Variants in CA10 observed in about 807,000 individuals in gnomAD.
CA10 encodes carbonic anhydrase-related protein 10.
Under a neutral mutation model 44.2 loss-of-function variants are expected in CA10, and 14 were observed. The observed-to-expected ratio is 0.32, with a 90% CI of 0.21 to 0.50. The LOEUF (loss-of-function observed/expected upper bound fraction) is 0.50, where lower values mean the gene tolerates loss of function less well. Among genes scored for constraint, CA10 ranks in the 20% least tolerant of loss-of-function variants. The pLI is 0.99. For synonymous variants in CA10, 159 were observed against 141.6 expected (o/e 1.12, Z -0.87); for missense variants, 350 against 409.7 (o/e 0.85, Z 1.26).
chr17:51,818,844 C>T (rs904621279), intron 3 of CA10, among the ~76,000 whole-genome samples: 4 of 152,150 alleles, frequency 2.6e-5, no homozygotes, highest in African/African-American at 9.7e-5. Context: ...TAGCCCTTAC[C>T]TCACGGGTGT....
At chr17:51,977,793 G>A (rs1360594163) in intron 2 of CA10, among the ~76,000 whole-genome samples, 10 of 151,998 alleles carry the variant, frequency 6.6e-5, no homozygotes, top group Non-Finnish European at 1.3e-4. Flanking sequence ...TAAGAAATCC[G>A]CAGAAGAAAA....
chr17:51,649,832 G>A (rs989446453), intron 5 of CA10, among the ~76,000 whole-genome samples: 1 of 151,198 alleles, frequency 6.6e-6, no homozygotes, highest in African/African-American at 2.4e-5. Flanking sequence ...CATCTACGTA[G>A]AGGGTGAGAC....
At chr17:51,963,118 A>G (rs533015877) in intron 2 of CA10, among the ~76,000 whole-genome samples, 1 of 152,222 alleles carries the variant, frequency 6.6e-6, no homozygotes, top group African/African-American at 2.4e-5. Flanking sequence ...ATTGCAAAAT[A>G]TAATTGAAAG....
intron 2 of CA10, among the ~76,000 whole-genome samples, chr17:51,954,847 G>T (rs1470442560): frequency 6.6e-6 from 1 of 152,188 alleles, no homozygotes; most frequent in African/African-American, 2.4e-5. Flanking sequence ...ATGAAAAGAG[G>T]TTGCGTGTCG....
intron 4 of CA10, chr17:51,661,827 A>T (rs958206153): frequency 2.0e-5 from 3 of 152,244 alleles, no homozygotes; most frequent in Non-Finnish European, 4.4e-5. Flanking sequence ...ACTGTAATTC[A>T]GGGGTCAGCA....
intron 2 of CA10, among the ~76,000 whole-genome samples, chr17:51,977,968 G>T (rs918102185): frequency 1.3e-5 from 2 of 152,052 alleles, no homozygotes; most frequent in African/African-American, 4.8e-5. Context: ...TTAATGGGTG[G>T]TGTGCAAGAA....
At chr17:52,149,772 G>A in intron 1 of CA10, among the ~76,000 whole-genome samples, 1 of 152,108 alleles carries the variant, frequency 6.6e-6, no homozygotes, top group South Asian at 2.1e-4. Flanking sequence ...TTATTCCAAA[G>A]CTTCTGGGAA....
intron 3 of CA10, among the ~76,000 whole-genome samples, chr17:51,825,799 C>T (rs1054273961): frequency 6.6e-5 from 10 of 152,216 alleles, no homozygotes; most frequent in African/African-American, 2.2e-4. Flanking sequence ...GGAAACACAA[C>T]AAAATGATTC....
chr17:51,964,529 T>A (rs1055098231), intron 2 of CA10, among the ~76,000 whole-genome samples: 19 of 150,854 alleles, frequency 1.3e-4, no homozygotes, highest in Non-Finnish European at 2.2e-4. Flanking sequence ...CTCAATAATT[T>A]AAAAAAAAAT....
chr17:51,946,448 A>G (rs1047793034), intron 2 of CA10, among the ~76,000 whole-genome samples: 17 of 151,900 alleles, frequency 1.1e-4, no homozygotes, highest in African/African-American at 3.6e-4. Context: ...GGTGCACTGA[A>G]CCTCCTTTAG....
At chr17:51,935,558 A>G (rs938398011) in intron 2 of CA10, among the ~76,000 whole-genome samples, 1 of 152,202 alleles carries the variant, frequency 6.6e-6, no homozygotes, top group Admixed American at 6.5e-5. Context: ...AGCCTAAACC[A>G]TGGAACTTAA....
At chr17:51,697,259 C>T (rs1915435174) in intron 4 of CA10, among the ~76,000 whole-genome samples, 1 of 152,162 alleles carries the variant, frequency 6.6e-6, no homozygotes, top group African/African-American at 2.4e-5. Flanking sequence ...AAAGCTCTAC[C>T]TGACTTGGGC....
At chr17:51,901,862 A>C (rs1469503154) in intron 3 of CA10, among the ~76,000 whole-genome samples, 7 of 152,192 alleles carry the variant, frequency 4.6e-5, no homozygotes, top group Non-Finnish European at 1.0e-4. Flanking sequence ...AATCTTACAA[A>C]GCTAAGTTAT....
intron 2 of CA10, among the ~76,000 whole-genome samples, chr17:52,003,647 TAGG>T (rs1226698668): frequency 6.6e-6 from 1 of 151,582 alleles, no homozygotes; most frequent in Non-Finnish European, 1.5e-5. Flanking sequence ...GATACTGGAG[TAGG>T]AGAAGCTTCA....
chr17:51,963,289 T>A (rs1366888958), intron 2 of CA10, among the ~76,000 whole-genome samples: 1 of 152,080 alleles, frequency 6.6e-6, no homozygotes, highest in East Asian at 1.9e-4. Context: ...AACCAACAAA[T>A]TATTGGCATT....
At chr17:52,116,320 G>A (rs1163242264) in intron 1 of CA10, among the ~76,000 whole-genome samples, 4 of 152,076 alleles carry the variant, frequency 2.6e-5, no homozygotes, top group African/African-American at 4.8e-5. Context: ...CTTGTTGGAG[G>A]GGAACTTGGT....
At chr17:51,873,345 T>C (rs1979903947) in intron 3 of CA10, among the ~76,000 whole-genome samples, 1 of 152,206 alleles carries the variant, frequency 6.6e-6, no homozygotes, top group Non-Finnish European at 1.5e-5. Context: ...TTCACTTCTC[T>C]GAGCCTCGGT....
intron 4 of CA10, among the ~76,000 whole-genome samples, chr17:51,742,472 C>T (rs1389333198): frequency 6.6e-6 from 1 of 152,116 alleles, no homozygotes; most frequent in Non-Finnish European, 1.5e-5. Flanking sequence ...CACTTCAGGA[C>T]AATTTGATGT....
intron 2 of CA10, among the ~76,000 whole-genome samples, chr17:51,957,265 C>A (rs1451647261): frequency 6.6e-6 from 1 of 152,062 alleles, no homozygotes; most frequent in Non-Finnish European, 1.5e-5. Context: ...GGCCTTGTAC[C>A]ATCTCACTTC....
Sources: gnomAD v4.1 joint callset for allele counts (sites outside exome capture counted in the v4.1 genomes callset) on GRCh38, gnomAD v4.1.1 for gene constraint, MANE v1.5 for transcripts, NCBI Gene and HGNC (gene_info 2026-07-23, HGNC 2026-07-21) for gene names.